The following PCSK5 variants were observed in gnomAD, a reference collection of about 807,000 sequenced individuals.
The protein encoded by PCSK5 is proprotein convertase subtilisin/kexin type 5, also known as prohormone convertase 5.
A neutral mutation model predicts 233.2 loss-of-function variants in PCSK5; 129 were observed. The observed-to-expected ratio is 0.55, with a 90% CI of 0.48 to 0.64. PCSK5 has a LOEUF of 0.64. PCSK5 is among the 30% of genes least tolerant of loss of function. PCSK5 has a pLI of 0.00. For missense variants in PCSK5, 2,076 were observed against 2,430.1 expected, an observed-to-expected ratio of 0.85 and a Z score of 3.06; for synonymous variants, 825 against 879.2, an observed-to-expected ratio of 0.94 and a Z score of 1.09.
At chr9:76,185,123 C>T (rs1288213104) in intron 17 of PCSK5, among the ~76,000 whole-genome samples, 1 of 152,178 alleles carries the variant, frequency 6.6e-6, no homozygotes, top group East Asian at 1.9e-4. Flanking sequence ...CGATTCATTC[C>T]TTGGATGGTC....
intron 5 of PCSK5, among the ~76,000 whole-genome samples, chr9:76,038,629 C>T (rs1021282788): frequency 5.3e-5 from 8 of 152,172 alleles, no homozygotes; most frequent in Admixed American, 2.0e-4. Flanking sequence ...ATAGGTTGGG[C>T]AGTGGAGCAT....
chr9:75,951,548 G>A (rs191272968), intron 2 of PCSK5, among the ~76,000 whole-genome samples: 3 of 152,236 alleles, frequency 2.0e-5, no homozygotes, highest in Admixed American at 6.5e-5. Context: ...TGCTTCAAAA[G>A]GATAGACATA....
At chr9:75,945,396 G>A (rs1793763003) in intron 2 of PCSK5, among the ~76,000 whole-genome samples, 1 of 151,556 alleles carries the variant, frequency 6.6e-6, no homozygotes, top group African/African-American at 2.4e-5. Flanking sequence ...GATATTGTTG[G>A]CCCCACCACT....
chr9:75,935,160 C>A (rs988224835), intron 2 of PCSK5, among the ~76,000 whole-genome samples: 1 of 152,086 alleles, frequency 6.6e-6, no homozygotes, highest in Non-Finnish European at 1.5e-5. Flanking sequence ...CGCTGTCTCC[C>A]GTTTTCAAGC....
At chr9:76,058,378 T>C (rs1161989857) in intron 5 of PCSK5, among the ~76,000 whole-genome samples, 1 of 152,116 alleles carries the variant, frequency 6.6e-6, no homozygotes, top group Non-Finnish European at 1.5e-5. Context: ...ACTTTAACTA[T>C]ATGGGAAAAA....
At chr9:76,275,771 C>G (rs1158248409) in intron 24 of PCSK5, among the ~76,000 whole-genome samples, 1 of 152,172 alleles carries the variant, frequency 6.6e-6, no homozygotes, top group Non-Finnish European at 1.5e-5. Flanking sequence ...AGAATCATAA[C>G]TTGGCTTCTT....
At chr9:76,137,105 A>C (rs1823016944) in intron 10 of PCSK5, among the ~76,000 whole-genome samples, 1 of 152,052 alleles carries the variant, frequency 6.6e-6, no homozygotes, top group African/African-American at 2.4e-5. Context: ...ATTCTTACCC[A>C]CATGTGTTAT....
chr9:76,043,475 CACTG>C (rs1190350682), intron 5 of PCSK5, among the ~76,000 whole-genome samples: 1 of 151,406 alleles, frequency 6.6e-6, no homozygotes, highest in African/African-American at 2.4e-5. Flanking sequence ...TTTTCATTAA[CACTG>C]ACTAATTCTT....
At chr9:76,090,194 T>A (rs1159586728) in intron 7 of PCSK5, among the ~76,000 whole-genome samples, 1 of 152,168 alleles carries the variant, frequency 6.6e-6, no homozygotes, top group Non-Finnish European at 1.5e-5. Flanking sequence ...GCCTCAAGAT[T>A]CTTTTCTCTT....
intron 33 of PCSK5, among the ~76,000 whole-genome samples, chr9:76,328,990 TG>T (rs1391284150): frequency 1.3e-5 from 2 of 148,478 alleles, no homozygotes; most frequent in African/African-American, 2.5e-5. Context: ...TTTTTTTTTT[TG>T]TATTTTTGGT....
chr9:76,328,495 C>A (rs558026188), intron 33 of PCSK5, among the ~76,000 whole-genome samples: 3 of 152,180 alleles, frequency 2.0e-5, no homozygotes, highest in Non-Finnish European at 1.5e-5. Flanking sequence ...CTCTCTCCCC[C>A]CTTCTCACTC....
chr9:76,186,750 C>T lies in PCSK5; in HGVS notation c.2283-1828C>T, dbSNP rs577247313. On this transcript the variant is annotated intron_variant, in intron 17 of 37. Coordinates refer to ENST00000674117, the MANE Select transcript of PCSK5 (RefSeq NM_001372043.1). ...AGCTTTTTAACTTTGATAAGTGTTT[C>T]GGTGGTCCTTATTTCCTCTCAAATG... Among the ~76,000 whole-genome samples, 9 of 151,992 alleles carry T rather than the reference C, an allele frequency of 5.9e-5. No individual in the cohort carries two copies. The East Asian group carries it at 1.5e-3, about 26-fold the overall frequency.
At chr9:75,900,328 GCTAGAATAGTAT>G (rs1825971232) in intron 1 of PCSK5, among the ~76,000 whole-genome samples, 1 of 152,146 alleles carries the variant, frequency 6.6e-6, no homozygotes, top group Non-Finnish European at 1.5e-5. Context: ...GTTAAAAGTA[GCTAGAATAGTAT>G]CTGACACACA....
chr9:76,268,655 G>A (rs1026412712), intron 24 of PCSK5, among the ~76,000 whole-genome samples: 2 of 152,004 alleles, frequency 1.3e-5, no homozygotes, highest in African/African-American at 2.4e-5. Context: ...ACCCGCCTGG[G>A]GAACATAGTG....
At chr9:75,924,390 A>G (rs1220886883) in intron 1 of PCSK5, among the ~76,000 whole-genome samples, 1 of 152,180 alleles carries the variant, frequency 6.6e-6, no homozygotes, top group African/African-American at 2.4e-5. Context: ...ATTGTGTGGC[A>G]TTCTACTGCC....
intron 4 of PCSK5, among the ~76,000 whole-genome samples, chr9:76,025,821 C>T (rs1415740656): frequency 6.6e-6 from 1 of 152,050 alleles, no homozygotes; most frequent in East Asian, 1.9e-4. Flanking sequence ...CTCAAATAAC[C>T]AGAAGTGCTA....
chr9:76,094,055 T>A (rs182816320), intron 7 of PCSK5, among the ~76,000 whole-genome samples: 65 of 152,330 alleles, frequency 4.3e-4, no homozygotes, highest in Non-Finnish European at 8.4e-4. Context: ...CAATAGCAAC[T>A]GAAAGTTTAT....
intron 20 of PCSK5, chr9:76,193,373 T>C (rs1345843519): frequency 5.6e-6 from 9 of 1,597,338 alleles, no homozygotes; most frequent in Non-Finnish European, 6.8e-6. Context: ...TAGATTTCTT[T>C]GTTCCTGTAG....
intron 30 of PCSK5, among the ~76,000 whole-genome samples, chr9:76,312,201 G>T (rs527724338): frequency 4.4e-4 from 67 of 152,230 alleles, no homozygotes; most frequent in African/African-American, 1.6e-3. Flanking sequence ...CTTATTAAAA[G>T]AATTTGATAC....
Sources: gnomAD v4.1 joint callset for allele counts (sites outside exome capture counted in the v4.1 genomes callset) on GRCh38, gnomAD v4.1.1 for gene constraint, MANE v1.5 for transcripts, NCBI Gene and HGNC (gene_info 2026-07-23, HGNC 2026-07-21) for gene names.